GYS1: variants seen among roughly 807,000 people sequenced by gnomAD.
GYS1 encodes glycogen synthase 1.
GYS1 carries 60 observed loss-of-function variants against 89.1 expected under a neutral mutation model. That is an observed-to-expected ratio of 0.67 (90% confidence interval 0.55 to 0.84). The LOEUF is 0.84. Among genes scored for constraint, GYS1 ranks in the 40% least tolerant of loss-of-function variants. The pLI, the probability that GYS1 is intolerant of heterozygous loss-of-function variation, is 0.00. For synonymous variants in GYS1, 366 were observed against 401.7 expected (o/e 0.91, Z 1.06); for missense variants, 888 against 1,003.1 (o/e 0.89, Z 1.55).
At chr19:48,973,505 A>ATTTT (rs34032782) in intron 12 of GYS1, among the ~76,000 whole-genome samples, 41 of 120,606 alleles carry the variant, frequency 3.4e-4, no homozygotes, top group Non-Finnish European at 5.6e-4. Context: ...TTTAGCTTTA[A>ATTTT]TTTTTTTTTT....
chr19:48,992,533 T>C (rs1237676242), intron 1 of GYS1, among the ~76,000 whole-genome samples: 3 of 45,420 alleles, frequency 6.6e-5, no homozygotes, highest in Non-Finnish European at 1.2e-4. Flanking sequence ...AGCAGCCAGA[T>C]CCTCAGGTCC....
chr19:48,978,188 C>A, intron 8 of GYS1, 31 bp from the exon 9 acceptor site: 1 of 1,565,924 alleles, frequency 6.4e-7, no homozygotes, highest in Non-Finnish European at 8.8e-7. Context: ...GGGTCACATA[C>A]ACACCAGCTG....
intron 10 of GYS1, among the ~76,000 whole-genome samples, chr19:48,975,498 T>C (rs550290355): frequency 6.6e-6 from 1 of 152,272 alleles, no homozygotes; most frequent in Admixed American, 6.5e-5. Flanking sequence ...TGCAGCTACC[T>C]TGTTCTGTAC....
intron 10 of GYS1, among the ~76,000 whole-genome samples, chr19:48,976,345 TC>T (rs879524577): frequency 1.2e-3 from 187 of 152,028 alleles, no homozygotes; most frequent in Non-Finnish European, 2.0e-3. Flanking sequence ...GAACTCTAAC[TC>T]CCAGAAGCCT....
At chr19:48,979,951 T>G (rs958667200) in intron 8 of GYS1, among the ~76,000 whole-genome samples, 1 of 152,024 alleles carries the variant, frequency 6.6e-6, no homozygotes, top group Admixed American at 6.6e-5. Flanking sequence ...CCGACTTCTT[T>G]TTTATTTTTT....
intron 1 of GYS1, 41 bp downstream of exon 1, chr19:48,992,954 C>T (rs1239548766): frequency 1.2e-5 from 14 of 1,171,186 alleles, no homozygotes; most frequent in Non-Finnish European, 1.7e-5. Context: ...CCATCCACTA[C>T]TGTCCTTCTC....
chr19:48,990,003 G>T (rs910168469), intron 2 of GYS1, among the ~76,000 whole-genome samples: 2 of 147,740 alleles, frequency 1.4e-5, no homozygotes, highest in Non-Finnish European at 3.0e-5. Flanking sequence ...TTTGCTGGGG[G>T]GGGGGGGGGG....
rs1555800115 is a variant in GYS1, at chr19:48,989,999, G to GGGA, written c.300+1302_300+1303insTCC. On this transcript the variant is annotated intron_variant, in intron 2 of 15. Transcript: ENST00000323798. ...CCCAGCTGTTGTCTGCCCTTTTGCT[G>GGGA]GGGGGGGGGGGGGGCTATTCTTAGG... 2.9e-4 allele frequency among the ~76,000 whole-genome samples: 6 copies of GGGA among 20,854 alleles called. 1 individual carries two copies. The highest frequency in any genetic ancestry group is 8.7e-5 in the Non-Finnish European group (1 of 11,492). The allele number at this position is 20,854 out of a possible 152,430, so 13.7% of individuals were successfully genotyped here. A position where few individuals can be genotyped will look rare whatever the true frequency, so the allele number is the denominator to read the frequency against.
rs199823455 is a variant in GYS1, at chr19:48,991,299, C to T, written c.300+3G>A. ...TTCTGCCCTGGGCTGGGCCACGTCC[C>T]ACCTTGCAGCCCTTGCTGTTCATGG... On this transcript the variant is annotated splice_donor_region_variant and intron_variant, in intron 2 of 15. Coordinates refer to ENST00000323798, the MANE Select transcript of GYS1 (RefSeq NM_002103.5). This position sits in a 1 kb window ranked among gnomAD's most constrained non-coding sequence, Gnocchi z 4.7. 6.2e-6 allele frequency: 10 copies of T among 1,613,646 alleles called. No individual in the cohort carries two copies. In the East Asian group the frequency reaches 2.0e-4, roughly 32 times the overall value.
intron 3 of GYS1, 103 bp downstream of exon 3, chr19:48,987,091 C>A (rs2038853182): frequency 4.8e-6 from 4 of 827,550 alleles, no homozygotes; most frequent in Non-Finnish European, 8.2e-6. Context: ...ATTAAAGGAC[C>A]CTATGACTCC....
rs1555800146 is a variant in GYS1 at position 48,990,006 on chromosome 19, G to GGC, written c.300+1295_300+1296insGC. Among the ~76,000 whole-genome samples the GGC allele has an allele frequency of 2.0e-5, 3 of 150,404 alleles. 1 individual carries two copies. Among genetic ancestry groups the GGC allele is most frequent in the African/African-American group, 4.9e-5 (2 of 40,504 alleles). The stretch of plus-strand genomic sequence containing the variant: ...GTTGTCTGCCCTTTTGCTGGGGGGG[G>GGC]GGGGGGGCTATTCTTAGGCCCCCAG... On this transcript the variant is annotated intron_variant, in intron 2 of 15. Transcript: ENST00000323798.
intron 5 of GYS1, among the ~76,000 whole-genome samples, chr19:48,983,807 T>TC (rs1305919202): frequency 6.6e-6 from 1 of 152,108 alleles, no homozygotes; most frequent in Non-Finnish European, 1.5e-5. Flanking sequence ...CATTAGCCAA[T>TC]TACAGAATTT....
At chr19:48,981,185 C>T (rs1053509923) in intron 8 of GYS1, among the ~76,000 whole-genome samples, 12 of 151,024 alleles carry the variant, frequency 7.9e-5, no homozygotes, top group Admixed American at 1.3e-4. Context: ...GAGGCTGAGG[C>T]GGGCAGATCA....
chr19:48,974,806 G>C, intron 10 of GYS1, 73 bp from the exon 11 acceptor site: 2 of 1,037,750 alleles, frequency 1.9e-6, no homozygotes, highest in African/African-American at 1.6e-5. Flanking sequence ...TGAGCCATGC[G>C]GACCCTGGGG....
intron 7 of GYS1, 84 bp downstream of exon 7, chr19:48,982,171 G>C (rs770568517): frequency 6.4e-6 from 9 of 1,400,644 alleles, no homozygotes; most frequent in Non-Finnish European, 9.1e-6. Context: ...GGGATTACAG[G>C]TGTGAGCCAC....
chr19:48,980,236 G>A (rs1179931009), intron 8 of GYS1, among the ~76,000 whole-genome samples: 5 of 152,044 alleles, frequency 3.3e-5, no homozygotes, highest in African/African-American at 1.2e-4. Context: ...ACCTTTCCTC[G>A]TCTCTGCCCA....
chr19:48,974,597 C>G, intron 11 of GYS1, 23 bp downstream of exon 11: 1 of 1,550,192 alleles, frequency 6.5e-7, no homozygotes, highest in Non-Finnish European at 8.9e-7. Flanking sequence ...GTGCCCAACC[C>G]AGCCCTGACC....
rs542122474 is a variant in GYS1 at position 48,974,103 on chromosome 19, T to C, written c.1549+110A>G. The C allele has an allele frequency of 3.2e-4, 376 of 1,164,210 alleles. 1 individual carries two copies. The African/African-American group carries it at 5.4e-3, about 17-fold the overall frequency. 72.1% of individuals were successfully genotyped at this position (1,164,210 alleles called of 1,614,324 possible). On this transcript the variant is annotated intron_variant, in intron 12 of 15. Transcript: ENST00000323798. ...CAGAACAGGTGATTACCATTGTTCC[T>C]GTTTTGCAAAGAAGGCAACAGGCTC... is the stretch of plus-strand genomic sequence containing the variant.
At chr19:48,986,253 C>T (rs541683305) in intron 3 of GYS1, among the ~76,000 whole-genome samples, 15 of 152,234 alleles carry the variant, frequency 9.9e-5, no homozygotes, top group African/African-American at 3.4e-4. Context: ...TGACTGCCTC[C>T]TCAGGGGTTG....
Sources: gnomAD v4.1 joint callset for allele counts (sites outside exome capture counted in the v4.1 genomes callset) on GRCh38, gnomAD v4.1.1 for gene constraint, Gnocchi (gnomAD v3.1) non-coding constraint, MANE v1.5 for transcripts, NCBI Gene and HGNC (gene_info 2026-07-23, HGNC 2026-07-21) for gene names.